Variants in CLSTN2 observed in about 807,000 individuals in gnomAD.
CLSTN2 encodes calsyntenin 2.
In CLSTN2, 48 loss-of-function variants were observed where a neutral mutation model predicts 101.2. The ratio of observed to expected loss-of-function variants is 0.47; its 90% CI spans 0.38 to 0.60. CLSTN2 has a LOEUF of 0.60. CLSTN2 is among the 20% of genes least tolerant of loss of function. The probability of loss-of-function intolerance (pLI) is 0.00; values close to 1 mark genes in which losing one functional copy is unlikely to be tolerated. For synonymous variants in CLSTN2, 481 were observed against 463.6 expected, an observed-to-expected ratio of 1.04 and a Z score of -0.48; for missense variants, 1,160 against 1,238.2, an observed-to-expected ratio of 0.94 and a Z score of 0.95.
Position 140,576,550 on chromosome 3 carries a change from C to T in CLSTN2, c.*10297C>T, listed in dbSNP as rs1985736328. The T allele has an allele frequency of 6.6e-6, 1 of 152,218 alleles. No homozygotes were observed. The highest frequency in any genetic ancestry group is 2.4e-5 in the African/African-American group (1 of 41,450). The allele number at this position is 152,218 out of a possible 1,614,324, so 9.4% of individuals were successfully genotyped here. A position where few individuals can be genotyped will look rare whatever the true frequency, so the allele number is the denominator to read the frequency against. On this transcript the variant is annotated 3_prime_UTR_variant, in exon 17 of 17. Coordinates refer to ENST00000458420, the MANE Select transcript of CLSTN2 (RefSeq NM_022131.3). ...TAAAAGTGTTGGACGCTGTTTATTC[C>T]CAGCTTCTCAACCTCAGTGTGTGTG...
chr3:139,961,865 C>T (rs960210727), intron 1 of CLSTN2, among the ~76,000 whole-genome samples: 2 of 152,040 alleles, frequency 1.3e-5, no homozygotes, highest in Admixed American at 1.3e-4. Context: ...TTTTTCTATG[C>T]ATATTTTTAC....
intron 8 of CLSTN2, among the ~76,000 whole-genome samples, chr3:140,476,533 T>C (rs1192373769): frequency 2.0e-5 from 3 of 152,170 alleles, no homozygotes; most frequent in Non-Finnish European, 2.9e-5. Flanking sequence ...GAATGTACAA[T>C]CTTAGTGAAT....
At chr3:140,066,480 TCTGA>T (rs2008301876) in intron 1 of CLSTN2, among the ~76,000 whole-genome samples, 1 of 152,220 alleles carries the variant, frequency 6.6e-6, no homozygotes, top group African/African-American at 2.4e-5. Context: ...AACATTAAAG[TCTGA>T]CTGATTTTTA....
chr3:140,447,892 G>A (rs1342908850), intron 5 of CLSTN2, among the ~76,000 whole-genome samples: 1 of 152,180 alleles, frequency 6.6e-6, no homozygotes, highest in African/African-American at 2.4e-5. Flanking sequence ...GAGATCTGAC[G>A]TTTGCCTGTG....
At chr3:140,237,314 ACTGG>A (rs2086426712) in intron 2 of CLSTN2, among the ~76,000 whole-genome samples, 1 of 152,124 alleles carries the variant, frequency 6.6e-6, no homozygotes, top group African/African-American at 2.4e-5. Context: ...GCTTTCCCTC[ACTGG>A]CTGGTGGGAA....
At chr3:140,503,720 G>T (rs1476336797) in intron 8 of CLSTN2, among the ~76,000 whole-genome samples, 1 of 152,150 alleles carries the variant, frequency 6.6e-6, no homozygotes, top group Non-Finnish European at 1.5e-5. Context: ...AACTTTTTAA[G>T]AAAATTTCTT....
chr3:140,293,703 G>T (rs558546435), intron 2 of CLSTN2, among the ~76,000 whole-genome samples: 1 of 152,152 alleles, frequency 6.6e-6, no homozygotes, highest in Non-Finnish European at 1.5e-5. Flanking sequence ...CATTTACTAC[G>T]TGAGAGGAAC....
chr3:140,135,443 G>C (rs150897258), intron 1 of CLSTN2, among the ~76,000 whole-genome samples: 2 of 152,052 alleles, frequency 1.3e-5, no homozygotes, highest in Non-Finnish European at 2.9e-5. Flanking sequence ...GGAGAATAAA[G>C]TTGATTCAAT....
intron 1 of CLSTN2, among the ~76,000 whole-genome samples, chr3:140,069,239 A>G (rs183639820): frequency 1.6e-4 from 25 of 152,306 alleles, no homozygotes; most frequent in Non-Finnish European, 2.9e-4. Flanking sequence ...ATATAGCAAA[A>G]CAAGTCTCTC....
chr3:140,323,468 A>C (rs955175714), intron 2 of CLSTN2, among the ~76,000 whole-genome samples: 2 of 152,212 alleles, frequency 1.3e-5, no homozygotes, highest in African/African-American at 4.8e-5. Flanking sequence ...CAAGCTACCC[A>C]CTTCCTCTTC....
At chr3:140,292,141 G>T (rs757867333) in intron 2 of CLSTN2, among the ~76,000 whole-genome samples, 30 of 152,142 alleles carry the variant, frequency 2.0e-4, no homozygotes, top group Non-Finnish European at 3.5e-4. Flanking sequence ...CCTATCTAAG[G>T]CTTGCCTCCC....
At chr3:139,996,548 G>A (rs748669447) in intron 1 of CLSTN2, among the ~76,000 whole-genome samples, 3 of 152,040 alleles carry the variant, frequency 2.0e-5, no homozygotes, top group Non-Finnish European at 4.4e-5. Context: ...CACCATCAAA[G>A]CATTTGTATC....
intron 8 of CLSTN2, among the ~76,000 whole-genome samples, chr3:140,527,648 C>A (rs968718743): frequency 5.3e-5 from 8 of 152,138 alleles, no homozygotes; most frequent in African/African-American, 1.9e-4. Context: ...TTCACAATAG[C>A]AAAGACATGG....
At chr3:140,273,629 G>A (rs1461967406) in intron 2 of CLSTN2, among the ~76,000 whole-genome samples, 2 of 152,168 alleles carry the variant, frequency 1.3e-5, no homozygotes, top group African/African-American at 4.8e-5. Context: ...GCCTGGTATA[G>A]AGTTGGTGCC....
chr3:140,479,762 G>A (rs1179335905), intron 8 of CLSTN2, among the ~76,000 whole-genome samples: 1 of 152,024 alleles, frequency 6.6e-6, no homozygotes, highest in Admixed American at 6.6e-5. Flanking sequence ...AGTACCAAAG[G>A]ACAGGAAAAA....
At chr3:140,277,905 C>A (rs1188178853) in intron 2 of CLSTN2, among the ~76,000 whole-genome samples, 1 of 152,170 alleles carries the variant, frequency 6.6e-6, no homozygotes, top group East Asian at 1.9e-4. Context: ...AGTAATAATT[C>A]TTTGTTGGCT....
intron 2 of CLSTN2, among the ~76,000 whole-genome samples, chr3:140,337,736 A>G (rs1253937757): frequency 6.6e-6 from 1 of 152,212 alleles, no homozygotes; most frequent in African/African-American, 2.4e-5. Flanking sequence ...GTTCTCAACT[A>G]AAGCATCTCT....
chr3:140,161,399 G>A (rs938520015), intron 1 of CLSTN2, among the ~76,000 whole-genome samples: 4 of 152,150 alleles, frequency 2.6e-5, no homozygotes, highest in African/African-American at 4.8e-5. Flanking sequence ...TATAAAGACT[G>A]TGATTTCAGA....
intron 2 of CLSTN2, among the ~76,000 whole-genome samples, chr3:140,277,799 C>T (rs2086808927): frequency 6.6e-6 from 1 of 152,120 alleles, no homozygotes; most frequent in Admixed American, 6.5e-5. Flanking sequence ...TTATTATTCA[C>T]CTCAAAGACA....
Sources: allele counts gnomAD v4.1 joint callset (sites outside exome capture counted in the v4.1 genomes callset), GRCh38; gene constraint gnomAD v4.1.1; transcripts MANE v1.5; gene names NCBI Gene and HGNC (gene_info 2026-07-23, HGNC 2026-07-21).